The following BBS4 variants were observed in gnomAD, a reference collection of about 807,000 sequenced individuals.
BBS4 encodes BBSome complex member BBS4.
A neutral mutation model predicts 71.4 loss-of-function variants in BBS4; 58 were observed. That is an observed-to-expected ratio of 0.81 (90% CI 0.66 to 1.01). BBS4 has a LOEUF of 1.01. Ranked by LOEUF, BBS4 falls within the 50% of genes least tolerant of loss-of-function variation. The pLI, the probability that BBS4 is intolerant of heterozygous loss-of-function variation, is 0.00. For missense variants in BBS4, 660 were observed against 607.9 expected, an observed-to-expected ratio of 1.09 and a Z score of -0.90; for synonymous variants, 228 against 216.8, an observed-to-expected ratio of 1.05 and a Z score of -0.46.
At chr15:72,723,862 G>A (rs2065619623) in intron 7 of BBS4, among the ~76,000 whole-genome samples, 1 of 152,148 alleles carries the variant, frequency 6.6e-6, no homozygotes, top group African/African-American at 2.4e-5. Flanking sequence ...AGAAGGATTT[G>A]TCTTTGGTTG....
At chr15:72,723,753 ATC>A in intron 7 of BBS4, among the ~76,000 whole-genome samples, 1 of 152,202 alleles carries the variant, frequency 6.6e-6, no homozygotes, top group Non-Finnish European at 1.5e-5. Flanking sequence ...TTGTAGATGG[ATC>A]TATAGTTTTA....
At chr15:72,724,735 T>C in intron 8 of BBS4, 80 bp downstream of exon 8, 2 of 1,542,298 alleles carry the variant, frequency 1.3e-6, no homozygotes, top group Non-Finnish European at 1.8e-6. Context: ...CCTAAAAGAG[T>C]GAATATGTTT....
rs1236731576 is a variant in BBS4, at chr15:72,736,751, G to A, written c.1249-11G>A. 7 of 1,614,024 alleles carry A rather than the reference G, an allele frequency of 4.3e-6. No homozygotes were observed. The South Asian group carries it at 6.6e-5, about 15-fold the overall frequency. On this transcript the variant is annotated splice_polypyrimidine_tract_variant and intron_variant, in intron 14 of 15. Transcript: ENST00000268057. ...CGCTTTTGATTCTTTTACTTCCTTT[G>A]TGGACACAAGATGGTGGAGATGGCT...
chr15:72,686,974 C>A (rs2064858539), intron 1 of BBS4: 1 of 218,970 alleles, frequency 4.6e-6, no homozygotes, highest in East Asian at 1.2e-4. Flanking sequence ...GAAAACAGTA[C>A]AAATAGCAGC....
Position 72,731,426 on chromosome 15 carries a change from T to C in BBS4, c.833T>C (p.Met278Thr). ...ESPPLWNNIG[M>T]CFFGKKKYVA... ...CCTCCACTCTGGAATAACATTGGAATGTGTTTCTTTGGCAAGAAGAAATAT... is the reference window on the plus strand; with the variant it reads ...CCTCCACTCTGGAATAACATTGGAACGTGTTTCTTTGGCAAGAAGAAATAT... Residue 278 changes from methionine to threonine, a missense_variant, in exon 11 of 16, where the codon ATG (methionine) becomes ACG (threonine). Coordinates refer to ENST00000268057, the MANE Select transcript of BBS4 (RefSeq NM_033028.5). 6.2e-7 allele frequency: 1 copy of C among 1,614,168 alleles called. No homozygotes were observed. The highest frequency in any genetic ancestry group is 8.5e-7 in the Non-Finnish European group (1 of 1,180,038).
At chr15:72,735,725 T>C in intron 13 of BBS4, 100 bp from the exon 14 acceptor site, 1 of 1,468,118 alleles carries the variant, frequency 6.8e-7, no homozygotes, top group Non-Finnish European at 9.5e-7. Flanking sequence ...GAGAAATCTC[T>C]ACTTAACCAG....
At chr15:72,688,841 A>C (rs1303793279) in intron 1 of BBS4, among the ~76,000 whole-genome samples, 1 of 152,220 alleles carries the variant, frequency 6.6e-6, no homozygotes, top group Non-Finnish European at 1.5e-5. Flanking sequence ...GCTGGAAGCA[A>C]ATTAAATGCC....
intron 6 of BBS4, among the ~76,000 whole-genome samples, chr15:72,718,168 A>G (rs1397413198): frequency 1.3e-5 from 2 of 151,978 alleles, no homozygotes; most frequent in Non-Finnish European, 2.9e-5. Flanking sequence ...ATTTTATTAT[A>G]TGTTCAGGAC....
At chr15:72,720,220 T>A (rs111879777) in intron 6 of BBS4, among the ~76,000 whole-genome samples, 1 of 151,944 alleles carries the variant, frequency 6.6e-6, no homozygotes, top group East Asian at 1.9e-4. Flanking sequence ...TGGTGGCTCA[T>A]ACCTGTAATA....
intron 14 of BBS4, among the ~76,000 whole-genome samples, chr15:72,736,441 C>T (rs2065926064): frequency 6.6e-6 from 1 of 152,034 alleles, no homozygotes; most frequent in Admixed American, 6.6e-5. Flanking sequence ...GGGGTTTCAC[C>T]ATGTTGGCCA....
At chr15:72,712,204 A>C (rs1316936105) in intron 3 of BBS4, 40 bp from the exon 4 acceptor site, 1 of 1,592,688 alleles carries the variant, frequency 6.3e-7, no homozygotes, top group Non-Finnish European at 8.6e-7. Flanking sequence ...ACCTGAAGAA[A>C]CTTAACCACT....
At chr15:72,706,240 G>A (rs1392389692) in intron 2 of BBS4, among the ~76,000 whole-genome samples, 1 of 151,952 alleles carries the variant, frequency 6.6e-6, no homozygotes, top group Non-Finnish European at 1.5e-5. Flanking sequence ...GGGTTCAAGC[G>A]ATTCTTTTGC....
intron 6 of BBS4, among the ~76,000 whole-genome samples, chr15:72,722,129 G>A (rs1006318122): frequency 2.6e-5 from 4 of 152,172 alleles, no homozygotes; most frequent in African/African-American, 9.7e-5. Flanking sequence ...AACAATAGTT[G>A]TGTCTGTGTT....
intron 7 of BBS4, 88 bp downstream of exon 7, chr15:72,722,935 C>A: frequency 2.5e-6 from 3 of 1,185,096 alleles, no homozygotes; most frequent in Non-Finnish European, 2.5e-6. Context: ...ATCCCTAGTG[C>A]TTGCAGAGGT....
chr15:72,709,957 C>A (rs973440694), intron 3 of BBS4, among the ~76,000 whole-genome samples, 178 bp downstream of exon 3: 1 of 152,098 alleles, frequency 6.6e-6, no homozygotes, highest in African/African-American at 2.4e-5. Context: ...CATACAACCT[C>A]AATATTTCAG....
chr15:72,729,585 T>A, intron 9 of BBS4, 31 bp from the exon 10 acceptor site: 1 of 1,609,972 alleles, frequency 6.2e-7, no homozygotes, highest in Non-Finnish European at 8.5e-7. Flanking sequence ...TCCTTGCTGA[T>A]GTAAATTGTC....
chr15:72,691,519 T>G (rs1019534451), intron 1 of BBS4, among the ~76,000 whole-genome samples: 12 of 152,164 alleles, frequency 7.9e-5, no homozygotes, highest in African/African-American at 2.9e-4. Context: ...TTTATATATA[T>G]CCTTAATATA....
At chr15:72,690,317 G>A (rs2064961538) in intron 1 of BBS4, among the ~76,000 whole-genome samples, 1 of 152,120 alleles carries the variant, frequency 6.6e-6, no homozygotes, top group Non-Finnish European at 1.5e-5. Context: ...TAAAAATGAA[G>A]AAATAACAGA....
In BBS4 at chr15:72,731,288, C is replaced by G. The variant is rs150754122; in HGVS notation, c.712-17C>G. 0.014 allele frequency: 23,172 copies of G among 1,613,960 alleles called. 201 individuals carry two copies. Among genetic ancestry groups the G allele is most frequent in the Non-Finnish European group, 0.017 (20,600 of 1,179,950 alleles). ...TTTGGGAATGACTGAATGACTTTCTCTGTGCCATGTTTTCAGGCCATCTTG... is the reference window on the plus strand; with the variant it reads ...TTTGGGAATGACTGAATGACTTTCTGTGTGCCATGTTTTCAGGCCATCTTG... On this transcript the variant is annotated splice_polypyrimidine_tract_variant and intron_variant, in intron 10 of 15. Coordinates refer to ENST00000268057, the MANE Select transcript of BBS4 (RefSeq NM_033028.5).
Sources: gnomAD v4.1 joint callset for allele counts (sites outside exome capture counted in the v4.1 genomes callset) on GRCh38, gnomAD v4.1.1 for gene constraint, MANE v1.5 for transcripts, NCBI Gene and HGNC (gene_info 2026-07-23, HGNC 2026-07-21) for gene names.